Variants in P3H3 observed in about 807,000 individuals in gnomAD.
The protein encoded by P3H3 is gene rich cluster, B.
In P3H3, 64 loss-of-function variants were observed where a neutral mutation model predicts 78.1. That is an observed-to-expected ratio of 0.82 (90% CI 0.67 to 1.01). P3H3 has a LOEUF of 1.01. Ranked by LOEUF, P3H3 falls within the 50% of genes least tolerant of loss-of-function variation. P3H3 has a pLI of 0.00. For missense variants in P3H3, 975 were observed against 982.2 expected (o/e 0.99, Z 0.10); for synonymous variants, 425 against 416.7 (o/e 1.02, Z -0.24).
chr12:6,837,044 C>T lies in P3H3; in HGVS notation c.1518C>T (p.Pro506=). The T allele has an allele frequency of 1.2e-6, 2 of 1,608,124 alleles. No individual in the cohort carries two copies. Residue 506 remains proline (P), a synonymous_variant, in exon 10 of 15, where the codon CCC becomes CCT. Transcript: ENST00000290510. ...GTGGTCGCCGCTCCCCTCACACCCC[C>T]CATGAACGCTTCGAGGGGCTCACGG... is the stretch of plus-strand genomic sequence containing the variant. ...GYRGRRSPHT[P]HERFEGLTVL...
At position 6,833,614 on chromosome 12, in the gene P3H3, T is replaced by A. The variant is rs1943469448; in HGVS notation, c.1235T>A (p.Leu412His). ...KDPDPWTPAALIPEALREKLR... is the reference protein window; with the variant it reads ...KDPDPWTPAAHIPEALREKLR... ...CAGGACCCCTGGACCCCTGCAGCTC[T>A]CATCCCTGAGGCACTTAGAGAAAAG... The change falls in exon 7 of 15, where the codon CTC becomes CAC. Residue 412 changes from leucine to histidine, a missense_variant. Leu to His is a moderately conservative substitution (Grantham distance 99). Coordinates refer to ENST00000290510, the MANE Select transcript of P3H3 (RefSeq NM_014262.5). 1 of 1,613,830 alleles carries A rather than the reference T, an allele frequency of 6.2e-7. No homozygotes were observed. Among genetic ancestry groups the A allele is most frequent in the African/African-American group, 1.3e-5 (1 of 74,924 alleles).
At chr12:6,836,911 A>C in intron 9 of P3H3, 74 bp from the exon 10 acceptor site, 1 of 1,083,388 alleles carries the variant, frequency 9.2e-7, no homozygotes. Context: ...GGAGGGCCGG[A>C]GGGAGGGTCT....
Position 6,839,425 on chromosome 12 carries a change from G to T in P3H3, c.2175G>T (p.Lys725Asn). 1 of 1,551,886 alleles carries T rather than the reference G, an allele frequency of 6.4e-7. No homozygotes were observed. The change falls in exon 15 of 15, where the codon AAG (lysine) becomes AAT (asparagine). Residue 725 changes from lysine (K) to asparagine (N), a missense_variant. Lys to Asn is a moderately conservative substitution (Grantham distance 94). Coordinates refer to ENST00000290510, the MANE Select transcript of P3H3 (RefSeq NM_014262.5). ...GCAGGCACCAGAGGGTCCAAGACAA[G>T]ACTGGAAGGGCACCTCGGGTTCGGG... ...PSRRHQRVQDKTGRAPRVREE... is the reference protein window; with the variant it reads ...PSRRHQRVQDNTGRAPRVREE...
chr12:6,835,544 A>G (rs1224101376), intron 9 of P3H3, among the ~76,000 whole-genome samples: 2 of 152,078 alleles, frequency 1.3e-5, no homozygotes, highest in Non-Finnish European at 2.9e-5. Flanking sequence ...AGATCGCACC[A>G]TTGCAGTCCA....
At position 6,828,835 on chromosome 12, in the gene P3H3, G is replaced by A; in HGVS notation, c.395G>A (p.Arg132Lys). 1 of 1,243,218 alleles carries A rather than the reference G, an allele frequency of 8.0e-7. No individual in the cohort carries two copies. The highest frequency in any genetic ancestry group is 1.0e-6 in the Non-Finnish European group (1 of 993,450). The allele number at this position is 1,243,218 out of a possible 1,614,324, so 77.0% of individuals were successfully genotyped here. A position where few individuals can be genotyped will look rare whatever the true frequency, so the allele number is the denominator to read the frequency against. Residue 132 changes from arginine to lysine, a missense_variant, in exon 1 of 15, where the codon AGG (arginine) becomes AAG (lysine). Coordinates refer to ENST00000290510, the MANE Select transcript of P3H3 (RefSeq NM_014262.5). Reference protein sequence around the residue: ...ADCLTQCAARRLGPGGAARLR... With the variant: ...ADCLTQCAARKLGPGGAARLR... ...TGCCTGACCCAGTGCGCAGCACGGAGGCTGGGCCCCGGGGGCGCGGCGCGG... is the reference window on the plus strand; with the variant it reads ...TGCCTGACCCAGTGCGCAGCACGGAAGCTGGGCCCCGGGGGCGCGGCGCGG...
chr12:6,833,994 T>C lies in P3H3; in HGVS notation c.1403T>C (p.Val468Ala). The part of the protein sequence containing the change: ...SRQLNGSERA[V>A]LDGLLTPAEC... Reference sequence around the variant, plus strand: ...CAGCTGAATGGGTCGGAGCGGGCGGTGTTGGATGGGCTGCTCACCCCAGCC... The same window carrying C: ...CAGCTGAATGGGTCGGAGCGGGCGGCGTTGGATGGGCTGCTCACCCCAGCC... Residue 468 changes from valine to alanine, a missense_variant, in exon 9 of 15, where the codon GTG becomes GCG. Val to Ala is a moderately conservative substitution (Grantham distance 64). Coordinates refer to ENST00000290510, the MANE Select transcript of P3H3 (RefSeq NM_014262.5). 1 of 1,613,688 alleles carries C rather than the reference T, an allele frequency of 6.2e-7. No individual in the cohort carries two copies. The highest frequency in any genetic ancestry group is 8.5e-7 in the Non-Finnish European group (1 of 1,179,832).
In P3H3 at chr12:6,837,153, G is replaced by A. The variant is rs148502558; in HGVS notation, c.1560+67G>A. 2,172 of 1,369,756 alleles carry A rather than the reference G, an allele frequency of 1.6e-3. 29 individuals are homozygous for A. The African/African-American group carries it at 0.027, about 17-fold the overall frequency. 84.9% of individuals were successfully genotyped at this position (1,369,756 alleles called of 1,614,324 possible). On this transcript the variant is annotated intron_variant, in intron 10 of 14. Transcript: ENST00000290510. ...TGGAGGAGAGGCTGTGCAGGAAGCC[G>A]GGCCCCAGGGCCTGGGCTTTTGTGA...
intron 9 of P3H3, among the ~76,000 whole-genome samples, chr12:6,835,533 G>A (rs933951727): frequency 6.6e-6 from 1 of 151,916 alleles, no homozygotes; most frequent in Non-Finnish European, 1.5e-5. Context: ...GCAGTGAGCC[G>A]AGATCGCACC....
Position 6,830,622 on chromosome 12 carries a change from A to G in P3H3, c.854-17A>G. On this transcript the variant is annotated splice_polypyrimidine_tract_variant and intron_variant, in intron 3 of 14. Coordinates refer to ENST00000290510, the MANE Select transcript of P3H3 (RefSeq NM_014262.5). ...GGGGCATGAACAAGCTGAATGGCTT[A>G]TGGGTTTCCTCTGCAGGACACTGGA... The G allele has an allele frequency of 1.2e-6, 2 of 1,606,788 alleles. No individual in the cohort carries two copies. Among genetic ancestry groups the G allele is most frequent in the Non-Finnish European group, 1.7e-6 (2 of 1,176,566 alleles).
In P3H3 at chr12:6,834,063, C is replaced by A; in HGVS notation, c.1458+14C>A. 6.2e-7 allele frequency: 1 copy of A among 1,612,680 alleles called. No individual in the cohort carries two copies. The highest frequency in any genetic ancestry group is 8.5e-7 in the Non-Finnish European group (1 of 1,179,652). Reference sequence around the variant, plus strand: ...CAGCTGGCTAAGGTAGGAAGACCTGCAAGCTCATCAGCTCGTTCAAGACTC... The same window carrying A: ...CAGCTGGCTAAGGTAGGAAGACCTGAAAGCTCATCAGCTCGTTCAAGACTC... On this transcript the variant is annotated intron_variant, in intron 9 of 14. Transcript: ENST00000290510.
At chr12:6,834,215 T>A (rs1325387255) in intron 9 of P3H3, among the ~76,000 whole-genome samples, 166 bp downstream of exon 9, 1 of 152,206 alleles carries the variant, frequency 6.6e-6, no homozygotes, top group Non-Finnish European at 1.5e-5. Context: ...CGTCTTAATT[T>A]AGCTGACATA....
At position 6,828,933 on chromosome 12, in the gene P3H3, T is replaced by G. The variant is rs1943416534; in HGVS notation, c.493T>G (p.Tyr165Asp). 1 of 1,237,868 alleles carries G rather than the reference T, an allele frequency of 8.1e-7. No homozygotes were observed. The highest frequency in any genetic ancestry group is 1.0e-6 in the Non-Finnish European group (1 of 989,254). The allele number at this position is 1,237,868 out of a possible 1,614,324, so 76.7% of individuals were successfully genotyped here. ...EPYNYLQRAYYQLKKLDLAAA... is the reference protein window; with the variant it reads ...EPYNYLQRAYDQLKKLDLAAA... Reference sequence around the variant, plus strand: ...CTACAACTACCTGCAGAGGGCCTATTACCAGGTGGGGAGCGGGCCGGGCAG... The same window carrying G: ...CTACAACTACCTGCAGAGGGCCTATGACCAGGTGGGGAGCGGGCCGGGCAG... Residue 165 changes from tyrosine (Y) to aspartate (D), a missense_variant, in exon 1 of 15, where the codon TAC (tyrosine) becomes GAC (aspartate). Physicochemically the swap from Tyr to Asp is radical, Grantham distance 160. Transcript: ENST00000290510.
Position 6,829,807 on chromosome 12 carries a change from G to A in P3H3, c.499-52G>A. On this transcript the variant is annotated intron_variant, in intron 1 of 14. Coordinates refer to ENST00000290510, the MANE Select transcript of P3H3 (RefSeq NM_014262.5). The surrounding 1 kb of genome is among the most constrained non-coding windows in gnomAD (Gnocchi z 5.1). ...GTGGGGAGGCTGGCCAGGGGGCAGA[G>A]GTCTGCCCCCCGTCCCAGGGCTCTG... The A allele has an allele frequency of 3.8e-6, 6 of 1,595,648 alleles. No homozygotes were observed. Among genetic ancestry groups the A allele is most frequent in the Non-Finnish European group, 5.2e-6 (6 of 1,164,352 alleles).
At position 6,829,069 on chromosome 12, in the gene P3H3, C is replaced by T; in HGVS notation, c.498+131C>T. On this transcript the variant is annotated intron_variant, in intron 1 of 14. Transcript: ENST00000290510. This position sits in a 1 kb window ranked among gnomAD's most constrained non-coding sequence, Gnocchi z 5.1. ...CGGGGCTGGGGAGCGTACCGCGGGC[C>T]TCTGCGTAGGAGCTGGCTAAGCGAC... The T allele has an allele frequency of 3.6e-6, 2 of 557,554 alleles. No individual in the cohort carries two copies. Among genetic ancestry groups the T allele is most frequent in the Non-Finnish European group, 5.4e-6 (2 of 372,516 alleles). 34.5% of individuals were successfully genotyped at this position (557,554 alleles called of 1,614,324 possible). A position where few individuals can be genotyped will look rare whatever the true frequency, so the allele number is the denominator to read the frequency against.
At position 6,836,631 on chromosome 12, in the gene P3H3, C is replaced by T. The variant is rs80006642; in HGVS notation, c.1459-354C>T. On this transcript the variant is annotated intron_variant, in intron 9 of 14. Transcript: ENST00000290510. ...CAGAGGGACTCCTCTATTCTTGGCT[C>T]ATCGGGGATTAATGATCAAGCCCTT... Among the ~76,000 whole-genome samples, 162 of 152,328 alleles carry T rather than the reference C, an allele frequency of 1.1e-3. 1 individual carries two copies. In the East Asian group the frequency reaches 0.029, roughly 28 times the overall value.
Position 6,831,407 on chromosome 12 carries a change from C to T in P3H3, c.1122+55C>T. 6.2e-7 allele frequency: 1 copy of T among 1,606,642 alleles called. No homozygotes were observed. The highest frequency in any genetic ancestry group is 8.5e-7 in the Non-Finnish European group (1 of 1,177,776). On this transcript the variant is annotated intron_variant, in intron 5 of 14. Transcript: ENST00000290510. This position sits in a 1 kb window ranked among gnomAD's most constrained non-coding sequence, Gnocchi z 4.6. ...GTAGCCCCAAATCAAACAAATAGACCTGAGAAGTAACCTGGACCCCCACCC... is the reference window on the plus strand; with the variant it reads ...GTAGCCCCAAATCAAACAAATAGACTTGAGAAGTAACCTGGACCCCCACCC...
intron 9 of P3H3, chr12:6,834,850 A>T (rs1382328985): frequency 6.6e-6 from 1 of 152,094 alleles, no homozygotes; most frequent in East Asian, 1.9e-4. Flanking sequence ...AGGCAGGAGA[A>T]GCGCCTGAAC....
chr12:6,839,065 G>A lies in P3H3; in HGVS notation c.1971G>A (p.Gly657=), dbSNP rs182798880. 2.7e-4 allele frequency: 431 copies of A among 1,612,216 alleles called. 1 individual carries two copies. In the African/African-American group the frequency reaches 4.9e-3, roughly 18 times the overall value. Residue 657 remains glycine, a synonymous_variant, in exon 14 of 15, where the codon GGG becomes GGA. Coordinates refer to ENST00000290510, the MANE Select transcript of P3H3 (RefSeq NM_014262.5). ...AFSSGVENPH[G]VWAVTRGRRC... is the part of the protein sequence containing the mutation. ...GCTCCGGTGTCGAGAATCCCCATGG[G>A]GTGTGGGCCGTGACTCGGGGACGGC... is the stretch of plus-strand genomic sequence containing the variant.
Position 6,829,813 on chromosome 12 carries a change from C to T in P3H3, c.499-46C>T, listed in dbSNP as rs782290387. 23 of 1,609,476 alleles carry T rather than the reference C, an allele frequency of 1.4e-5. No homozygotes were observed. Among genetic ancestry groups the T allele is most frequent in the East Asian group, 2.2e-5 (1 of 44,838 alleles). On this transcript the variant is annotated intron_variant, in intron 1 of 14. Transcript: ENST00000290510. This position sits in a 1 kb window ranked among gnomAD's most constrained non-coding sequence, Gnocchi z 5.1. ...AGGCTGGCCAGGGGGCAGAGGTCTGCCCCCCGTCCCAGGGCTCTGATGCCC... is the reference window on the plus strand; with the variant it reads ...AGGCTGGCCAGGGGGCAGAGGTCTGTCCCCCGTCCCAGGGCTCTGATGCCC...
Sources: gnomAD v4.1 joint callset for allele counts (sites outside exome capture counted in the v4.1 genomes callset) on GRCh38, gnomAD v4.1.1 for gene constraint, Gnocchi (gnomAD v3.1) non-coding constraint, MANE v1.5 for transcripts, NCBI Gene and HGNC (gene_info 2026-07-23, HGNC 2026-07-21) for gene names.